The following ELAPOR2 variants were observed in gnomAD, a reference collection of about 807,000 sequenced individuals.
The protein encoded by ELAPOR2 is endosome-lysosome associated apoptosis and autophagy regulator family member 2, also known as endosome/lysosome-associated apoptosis and autophagy regulator family member 2.
In ELAPOR2, 89 loss-of-function variants were observed where a neutral mutation model predicts 120.7. The ratio of observed to expected loss-of-function variants is 0.74; its 90% CI spans 0.62 to 0.88. The LOEUF is 0.88. ELAPOR2 is among the 40% of genes least tolerant of loss of function. The probability of loss-of-function intolerance (pLI) is 0.00; values close to 1 mark genes in which losing one functional copy is unlikely to be tolerated. For missense variants in ELAPOR2, 1,134 were observed against 1,251.6 expected, an observed-to-expected ratio of 0.91 and a Z score of 1.42; for synonymous variants, 444 against 444.9, an observed-to-expected ratio of 1.00 and a Z score of 0.03.
At chr7:86,952,722 G>T (rs1791314472) in intron 2 of ELAPOR2, among the ~76,000 whole-genome samples, 1 of 152,086 alleles carries the variant, frequency 6.6e-6, no homozygotes, top group Non-Finnish European at 1.5e-5. Flanking sequence ...AATGAGTTGT[G>T]GGAATAAAGG....
At chr7:87,042,179 A>G (rs1363633628) in intron 1 of ELAPOR2, among the ~76,000 whole-genome samples, 2 of 150,562 alleles carry the variant, frequency 1.3e-5, no homozygotes, top group African/African-American at 5.0e-5. Flanking sequence ...TTAACACCCC[A>G]CTGTCAACAT....
At chr7:86,929,972 C>A (rs1790256429) in intron 8 of ELAPOR2, among the ~76,000 whole-genome samples, 1 of 151,870 alleles carries the variant, frequency 6.6e-6, no homozygotes, top group African/African-American at 2.4e-5. Context: ...TCCTGTACAG[C>A]CTACAGAATC....
intron 18 of ELAPOR2, among the ~76,000 whole-genome samples, chr7:86,906,311 C>T (rs992782965): frequency 6.6e-6 from 1 of 152,098 alleles, no homozygotes; most frequent in Non-Finnish European, 1.5e-5. Context: ...GAGGGATCCT[C>T]TACCACAGGA....
At chr7:86,917,758 C>A (rs193297486) in intron 12 of ELAPOR2, among the ~76,000 whole-genome samples, 1 of 151,954 alleles carries the variant, frequency 6.6e-6, no homozygotes, top group African/African-American at 2.4e-5. Flanking sequence ...TTACATATCA[C>A]GGAGAAAACT....
intron 2 of ELAPOR2, among the ~76,000 whole-genome samples, chr7:86,964,165 A>G (rs769041118): frequency 2.0e-5 from 3 of 152,150 alleles, no homozygotes; most frequent in Non-Finnish European, 2.9e-5. Flanking sequence ...AAACCCAAAT[A>G]CACTCCCTCT....
intron 1 of ELAPOR2, among the ~76,000 whole-genome samples, chr7:87,007,595 C>G (rs758522718): frequency 4.6e-5 from 7 of 152,250 alleles, no homozygotes; most frequent in Non-Finnish European, 8.8e-5. Flanking sequence ...ATGCTTGGTT[C>G]CCAGATGTCA....
At chr7:86,983,311 C>T (rs1234383017) in intron 1 of ELAPOR2, among the ~76,000 whole-genome samples, 1 of 152,166 alleles carries the variant, frequency 6.6e-6, no homozygotes, top group East Asian at 1.9e-4. Flanking sequence ...GGCAGGCCAA[C>T]ATTCAAATTC....
chr7:86,884,600 C>A (rs900294652), intron 21 of ELAPOR2, among the ~76,000 whole-genome samples: 3 of 152,120 alleles, frequency 2.0e-5, no homozygotes, highest in African/African-American at 7.2e-5. Flanking sequence ...TGGAACCAAT[C>A]CTGTATGACC....
In ELAPOR2 at chr7:86,892,999, CT is replaced by C; in HGVS notation, c.2786del (p.Lys929ArgfsTer17). The C allele has an allele frequency of 1.3e-6, 2 of 1,579,728 alleles. No individual in the cohort carries two copies. The highest frequency in any genetic ancestry group is 1.4e-5 in the African/African-American group (1 of 71,730). On this transcript the variant is annotated frameshift_variant, in exon 20 of 22. Coordinates refer to ENST00000450689, the MANE Select transcript of ELAPOR2 (RefSeq NM_001142749.3). LOFTEE classifies it high-confidence loss of function. ...TAAAAGCTCCCACACCGGCTCCCACCTTCAGCCAAAAGTCAACCGTTTCACA... is the reference window on the plus strand; with the variant it reads ...TAAAAGCTCCCACACCGGCTCCCACCTCAGCCAAAAGTCAACCGTTTCACA... ...ATCETVDFWLKVGAGVGAFTA... is the reference protein window; with the variant it reads ...ATCETVDFWLXVGAGVGAFTA...
At chr7:86,991,428 A>C (rs1280302035) in intron 1 of ELAPOR2, among the ~76,000 whole-genome samples, 1 of 152,128 alleles carries the variant, frequency 6.6e-6, no homozygotes, top group African/African-American at 2.4e-5. Flanking sequence ...TTCCAGTAAA[A>C]TTGGTTCTCA....
intron 1 of ELAPOR2, among the ~76,000 whole-genome samples, chr7:86,999,397 T>C (rs1793237155): frequency 6.6e-6 from 1 of 152,158 alleles, no homozygotes; most frequent in South Asian, 2.1e-4. Flanking sequence ...AAAAATGTAA[T>C]ACCCCATCAG....
chr7:86,905,030 A>G (rs1039338893), intron 18 of ELAPOR2, among the ~76,000 whole-genome samples: 5 of 151,186 alleles, frequency 3.3e-5, no homozygotes, highest in Non-Finnish European at 7.4e-5. Flanking sequence ...TGAATGAATG[A>G]ATGGATGAAT....
At chr7:86,901,231 A>T (rs149732870) in intron 18 of ELAPOR2, among the ~76,000 whole-genome samples, 1 of 152,226 alleles carries the variant, frequency 6.6e-6, no homozygotes, top group African/African-American at 2.4e-5. Context: ...TGGTAAATGA[A>T]TAAGAGACTT....
At chr7:87,020,611 G>A (rs901302473) in intron 1 of ELAPOR2, among the ~76,000 whole-genome samples, 17 of 152,058 alleles carry the variant, frequency 1.1e-4, no homozygotes, top group African/African-American at 3.9e-4. Context: ...GAGCTGCAGG[G>A]AGGAGAGAAT....
At chr7:86,976,901 C>A (rs1792301166) in intron 1 of ELAPOR2, among the ~76,000 whole-genome samples, 1 of 152,164 alleles carries the variant, frequency 6.6e-6, no homozygotes, top group African/African-American at 2.4e-5. Context: ...CTATTACAAC[C>A]ATCATGCATA....
Position 86,912,085 on chromosome 7 carries a change from A to T in ELAPOR2, c.2156T>A (p.Leu719Ter). 2 of 1,608,190 alleles carry T rather than the reference A, an allele frequency of 1.2e-6. No individual in the cohort carries two copies. Among genetic ancestry groups the T allele is most frequent in the Non-Finnish European group, 1.7e-6 (2 of 1,175,112 alleles). ...TKYFHFFNIS[L>*]CGHEGKKMAL... is the part of the protein sequence containing the mutation. ...GCCAGAACTCACCTCATGCCCACATAAACTGATATTGAAGAAATGGAAGTA... is the reference window on the plus strand; with the variant it reads ...GCCAGAACTCACCTCATGCCCACATTAACTGATATTGAAGAAATGGAAGTA... The change falls in exon 15 of 22, where the codon TTA (leucine) becomes TAA (stop). Residue 719 changes from leucine (L) to a stop codon, truncating the protein, a stop_gained. Coordinates refer to ENST00000450689, the MANE Select transcript of ELAPOR2 (RefSeq NM_001142749.3). LOFTEE classifies it high-confidence loss of function.
intron 1 of ELAPOR2, among the ~76,000 whole-genome samples, chr7:86,984,153 C>A (rs1792620328): frequency 6.6e-6 from 1 of 152,078 alleles, no homozygotes; most frequent in Non-Finnish European, 1.5e-5. Context: ...AATATATATG[C>A]ACCTAATACA....
rs1424506176 is a variant in ELAPOR2 at position 87,035,312 on chromosome 7, TTC to T, written c.189+24011_189+24012del. ...CATCCAAAGAAGCAGCTCTGCAATT[TTC>T]AGAGTATAAAGACAAAGCTCATGGC... On this transcript the variant is annotated intron_variant, in intron 1 of 21. Transcript: ENST00000450689. Among the ~76,000 whole-genome samples, 630 of 152,254 alleles carry T rather than the reference TTC, an allele frequency of 4.1e-3. 3 individuals are homozygous for T. The highest frequency in any genetic ancestry group is 0.015 in the African/African-American group (607 of 41,544).
chr7:86,905,131 G>GGAAAGA (rs1562910052), intron 18 of ELAPOR2, among the ~76,000 whole-genome samples: 7 of 142,246 alleles, frequency 4.9e-5, no homozygotes, highest in African/African-American at 1.8e-4. Context: ...AGGAAGGAAA[G>GGAAAGA]AAAGAAAAGA....
Sources: gnomAD v4.1 joint callset for allele counts (sites outside exome capture counted in the v4.1 genomes callset) on GRCh38, gnomAD v4.1.1 for gene constraint, MANE v1.5 for transcripts, NCBI Gene and HGNC (gene_info 2026-07-23, HGNC 2026-07-21) for gene names.